The following ATF3 variants were observed in gnomAD, a reference collection of about 807,000 sequenced individuals.
ATF3 encodes the protein activating transcription factor 3.
ATF3 carries 10 observed loss-of-function variants against 18.4 expected under a neutral mutation model. The observed-to-expected ratio is 0.54, with a 90% CI of 0.34 to 0.92. The LOEUF (loss-of-function observed/expected upper bound fraction) is 0.92. ATF3 is among the 40% of genes least tolerant of loss of function. The probability of loss-of-function intolerance (pLI) is 0.02; values close to 1 mark genes in which losing one functional copy is unlikely to be tolerated. For synonymous variants in ATF3, 78 were observed against 87.9 expected, an observed-to-expected ratio of 0.89 and a Z score of 0.63; for missense variants, 183 against 222.3, an observed-to-expected ratio of 0.82 and a Z score of 1.12.
chr1:212,588,872 T>C (rs1664829401), intron 1 of ATF3, among the ~76,000 whole-genome samples: 1 of 152,234 alleles, frequency 6.6e-6, no homozygotes, highest in Non-Finnish European at 1.5e-5. Context: ...CTTCAAATGC[T>C]CAAAATGATG....
intron 1 of ATF3, among the ~76,000 whole-genome samples, chr1:212,576,721 CTTTT>C (rs57512671): frequency 3.5e-5 from 2 of 57,302 alleles, no homozygotes; most frequent in African/African-American, 7.7e-5. Context: ...CTTTTCTTTT[CTTTT>C]TTTTTTTTTT....
In ATF3 at chr1:212,620,312, A is replaced by C. The variant is rs1320748716; in HGVS notation, c.*757A>C. 6.5e-6 allele frequency: 1 copy of C among 153,074 alleles called. No homozygotes were observed. The highest frequency in any genetic ancestry group is 2.4e-5 in the African/African-American group (1 of 41,448). 9.5% of individuals were successfully genotyped at this position (153,074 alleles called of 1,614,324 possible). A position where few individuals can be genotyped will look rare whatever the true frequency, so the allele number is the denominator to read the frequency against. On this transcript the variant is annotated 3_prime_UTR_variant, in exon 4 of 4. Transcript: ENST00000341491. ...CTGTTGCAAACTCAGTTCCAAAGTC[A>C]CAGGAAGAAAGCAGAAAGTTCAACT... is the stretch of plus-strand genomic sequence containing the variant.
At chr1:212,573,447 A>G (rs1664519111) in intron 1 of ATF3, among the ~76,000 whole-genome samples, 1 of 152,020 alleles carries the variant, frequency 6.6e-6, no homozygotes, top group East Asian at 1.9e-4. Flanking sequence ...TTTTTATTTT[A>G]GATTAAACCC....
chr1:212,619,833 C>T lies in ATF3; in HGVS notation c.*278C>T. 1 of 370,340 alleles carries T rather than the reference C, an allele frequency of 2.7e-6. No individual in the cohort carries two copies. Among genetic ancestry groups the T allele is most frequent in the Non-Finnish European group, 5.2e-6 (1 of 193,708 alleles). The allele number at this position is 370,340 out of a possible 1,614,324, so 22.9% of individuals were successfully genotyped here. On this transcript the variant is annotated 3_prime_UTR_variant, in exon 4 of 4. Coordinates refer to ENST00000341491, the MANE Select transcript of ATF3 (RefSeq NM_001674.4). This position sits in a 1 kb window ranked among gnomAD's most constrained non-coding sequence, Gnocchi z 4.4. The stretch of plus-strand genomic sequence containing the variant: ...GTTCCAGATGGCCCCCAGCTGGTGT[C>T]CTGCCCGCCTTTCATCTGGATTCTA...
At chr1:212,576,672 G>A (rs1420800250) in intron 1 of ATF3, among the ~76,000 whole-genome samples, 1 of 110,628 alleles carries the variant, frequency 9.0e-6, no homozygotes, top group South Asian at 3.1e-4. Flanking sequence ...CAGAGTTAAA[G>A]TTTTTAAAGA....
intron 1 of ATF3, among the ~76,000 whole-genome samples, chr1:212,590,232 G>A (rs572089878): frequency 2.7e-5 from 4 of 150,692 alleles, no homozygotes; most frequent in African/African-American, 9.8e-5. Flanking sequence ...AATCTGTAAG[G>A]CACGTAAGTT....
chr1:212,620,647 GA>G lies in ATF3; in HGVS notation c.*1095del, dbSNP rs1232335916. On this transcript the variant is annotated 3_prime_UTR_variant, in exon 4 of 4. Transcript: ENST00000341491. ...TCTATTAAAATTCTGATGTTTCTGT[GA>G]AATTCTCAGAGTGTTTAATTGTACT... 1 of 152,580 alleles carries G rather than the reference GA, an allele frequency of 6.6e-6. No individual in the cohort carries two copies. Among genetic ancestry groups the G allele is most frequent in the African/African-American group, 2.4e-5 (1 of 41,416 alleles). 9.5% of individuals were successfully genotyped at this position (152,580 alleles called of 1,614,324 possible). A position where few individuals can be genotyped will look rare whatever the true frequency, so the allele number is the denominator to read the frequency against.
chr1:212,617,194 C>T (rs1480002319), intron 2 of ATF3, among the ~76,000 whole-genome samples: 2 of 152,218 alleles, frequency 1.3e-5, no homozygotes, highest in African/African-American at 4.8e-5. Flanking sequence ...ACCAGGCAGC[C>T]TGCCCCACCC....
intron 1 of ATF3, among the ~76,000 whole-genome samples, chr1:212,566,698 C>T (rs1244395713): frequency 5.9e-5 from 9 of 152,196 alleles, no homozygotes; most frequent in South Asian, 2.1e-4. Flanking sequence ...TTATAAATGA[C>T]GCTGAAAACA....
At chr1:212,571,489 C>T (rs1347219408) in intron 1 of ATF3, among the ~76,000 whole-genome samples, 5 of 147,266 alleles carry the variant, frequency 3.4e-5, no homozygotes, top group African/African-American at 1.0e-4. Flanking sequence ...CTTACTGCAA[C>T]CTCCGCCTCC....
At chr1:212,597,419 T>TTATCTATC (rs11404416) in intron 1 of ATF3, among the ~76,000 whole-genome samples, 19,538 of 150,740 alleles carry the variant, frequency 0.13, 1,487 homozygotes, top group Admixed American at 0.24. Flanking sequence ...TTACATCTAT[T>TTATCTATC]TATCTATCTA....
chr1:212,608,290 C>A (rs572129086), upstream of ATF3, among the ~76,000 whole-genome samples: 18 of 152,302 alleles, frequency 1.2e-4, no homozygotes, highest in East Asian at 3.5e-3. Context: ...CCCAGCCTCA[C>A]CTAGTCTGGG....
chr1:212,566,632 C>G (rs894324093), intron 1 of ATF3, among the ~76,000 whole-genome samples: 1 of 152,064 alleles, frequency 6.6e-6, no homozygotes, highest in African/African-American at 2.4e-5. Context: ...CCTGCCCTGT[C>G]CTGCTCAGTT....
intron 2 of ATF3, among the ~76,000 whole-genome samples, chr1:212,617,171 C>A (rs927578892): frequency 1.3e-5 from 2 of 152,202 alleles, no homozygotes; most frequent in African/African-American, 4.8e-5. Context: ...AGCACCCAGA[C>A]AGTAGAGCAA....
At chr1:212,583,686 C>G (rs1007300052) in intron 1 of ATF3, among the ~76,000 whole-genome samples, 5 of 152,214 alleles carry the variant, frequency 3.3e-5, no homozygotes, top group African/African-American at 1.2e-4. Context: ...CAACCTTGAC[C>G]TCTCTCCTTC....
chr1:212,618,523 C>T lies in ATF3; in HGVS notation c.348+289C>T, dbSNP rs11571550. 4.3e-6 allele frequency: 2 copies of T among 467,706 alleles called. No individual in the cohort carries two copies. The highest frequency in any genetic ancestry group is 7.0e-5 in the Admixed American group (2 of 28,724). The allele number at this position is 467,706 out of a possible 1,614,324, so 29.0% of individuals were successfully genotyped here. A position where few individuals can be genotyped will look rare whatever the true frequency, so the allele number is the denominator to read the frequency against. Reference sequence around the variant, plus strand: ...GTCCATCAGCTTCCAGGCTGCAGGACATGCCAGCCCAGTTAAAGAGGCTTC... The same window carrying T: ...GTCCATCAGCTTCCAGGCTGCAGGATATGCCAGCCCAGTTAAAGAGGCTTC... On this transcript the variant is annotated intron_variant, in intron 3 of 3. Transcript: ENST00000341491. This position sits in a 1 kb window ranked among gnomAD's most constrained non-coding sequence, Gnocchi z 4.4.
In ATF3 at chr1:212,619,154, G is replaced by A; in HGVS notation, c.349-204G>A. 1 of 1,613,874 alleles carries A rather than the reference G, an allele frequency of 6.2e-7. No homozygotes were observed. The highest frequency in any genetic ancestry group is 8.5e-7 in the Non-Finnish European group (1 of 1,180,036). On this transcript the variant is annotated intron_variant, in intron 3 of 3. Transcript: ENST00000341491. The surrounding 1 kb of genome is among the most constrained non-coding windows in gnomAD (Gnocchi z 4.4). ...ATTAGCAGAGCCACAGGCCGCCTCT[G>A]TGGCATCACCAGGGTTTCTCTGAAG... is the stretch of plus-strand genomic sequence containing the variant.
At chr1:212,577,038 A>G (rs1365018550) in intron 1 of ATF3, among the ~76,000 whole-genome samples, 1 of 152,074 alleles carries the variant, frequency 6.6e-6, no homozygotes, top group African/African-American at 2.4e-5. Flanking sequence ...GCCCAAAATA[A>G]AATATTCTTT....
At chr1:212,603,776 ATGTGTGTGTGTG>A (rs145857442), upstream of ATF3, among the ~76,000 whole-genome samples, 2 of 149,486 alleles carry the variant, frequency 1.3e-5, no homozygotes, top group Non-Finnish European at 3.0e-5. Context: ...GTGTATATAT[ATGTGTGTGTGTG>A]TGTGTGTGTG....
Sources: gnomAD v4.1 joint callset for allele counts (sites outside exome capture counted in the v4.1 genomes callset) on GRCh38, gnomAD v4.1.1 for gene constraint, Gnocchi (gnomAD v3.1) non-coding constraint, MANE v1.5 for transcripts, NCBI Gene and HGNC (gene_info 2026-07-23, HGNC 2026-07-21) for gene names.